Variants in LAS1L observed in about 807,000 individuals in gnomAD.
The protein encoded by LAS1L is LAS1 like ribosome biogenesis factor, also known as ribosomal biogenesis protein LAS1L.
A neutral mutation model predicts 57.3 loss-of-function variants in LAS1L; 5 were observed. The ratio of observed to expected loss-of-function variants is 0.09; its 90% CI spans 0.05 to 0.18. LAS1L has a LOEUF of 0.18. Ranked by LOEUF, LAS1L falls within the 10% of genes least tolerant of loss-of-function variation. The pLI is 1.00. For missense variants in LAS1L, 360 were observed against 568.3 expected, an observed-to-expected ratio of 0.63 and a Z score of 3.73; for synonymous variants, 245 against 231.7, an observed-to-expected ratio of 1.06 and a Z score of -0.52.
chrX:65,525,350 C>T (rs2148293151), intron 7 of LAS1L, among the ~76,000 whole-genome samples: 1 of 112,013 alleles, frequency 8.9e-6, no homozygotes, highest in East Asian at 2.8e-4. Flanking sequence ...GAATACACTT[C>T]AACACACAGA....
intron 12 of LAS1L, among the ~76,000 whole-genome samples, chrX:65,516,886 T>C (rs1025680611): frequency 8.1e-5 from 9 of 110,560 alleles, no homozygotes; most frequent in African/African-American, 3.0e-4. Context: ...ACAAAGGCCA[T>C]AGTATCTTTC....
At chrX:65,534,113 G>A (rs2069671807) in intron 1 of LAS1L, among the ~76,000 whole-genome samples, 1 of 111,632 alleles carries the variant, frequency 9.0e-6, no homozygotes, top group African/African-American at 3.3e-5. Flanking sequence ...TGTCTTGCAG[G>A]CAAGACTTCC....
rs1190754458 is a variant in LAS1L at position 65,524,074 on chromosome X, C to T, written c.1282G>A (p.Val428Met). ...YILRWTVELI[V>M]ANTKTGRNAR... is the part of the protein sequence containing the mutation. ...CCCTCACCAGTCTTGGTGTTGGCCACGATCAGTTCAACGGTCCATCTGAGG... is the reference window on the plus strand; with the variant it reads ...CCCTCACCAGTCTTGGTGTTGGCCATGATCAGTTCAACGGTCCATCTGAGG... Residue 428 changes from valine (V) to methionine (M), a missense_variant, in exon 10 of 14, where the codon GTG becomes ATG. Transcript: ENST00000374811. The T allele has an allele frequency of 3.3e-6, 4 of 1,208,887 alleles. No individual in the cohort carries two copies. Among genetic ancestry groups the T allele is most frequent in the Non-Finnish European group, 3.4e-6 (3 of 894,479 alleles).
At position 65,528,277 on chromosome X, in the gene LAS1L, G is replaced by T; in HGVS notation, c.939C>A (p.Gly313=). 2.5e-6 allele frequency: 3 copies of T among 1,195,099 alleles called. No individual in the cohort carries two copies. The highest frequency in any genetic ancestry group is 3.4e-6 in the Non-Finnish European group (3 of 882,469). Residue 313 remains glycine (G), a synonymous_variant, in exon 7 of 14, where the codon GGC becomes GGA. Transcript: ENST00000374811. ...TTACACACCTGTTCTCGCATGTAAC[G>T]CCCTTGAGCTCTGCCAGGACACATT... ...RVECVLAELK[G]VTCENREAVL... is the part of the protein sequence containing the mutation.
At chrX:65,520,729 T>C (rs1359217280) in intron 11 of LAS1L, 3 of 752,088 alleles carry the variant, frequency 4.0e-6, no homozygotes, top group Non-Finnish European at 4.7e-6. Flanking sequence ...ACTGCCGGCA[T>C]GTGTCGCATC....
chrX:65,528,488 A>C (rs1319474486), intron 6 of LAS1L, 119 bp from the exon 7 acceptor site: 4 of 436,729 alleles, frequency 9.2e-6, no homozygotes, highest in Non-Finnish European at 1.6e-5. Flanking sequence ...AGGGCAGGGC[A>C]TGCAGGGGGG....
At chrX:65,512,976 G>A in intron 13 of LAS1L, 75 bp from the exon 14 acceptor site, 2 of 975,860 alleles carry the variant, frequency 2.0e-6, no homozygotes, top group Non-Finnish European at 2.7e-6. Flanking sequence ...TGCTTGACAT[G>A]TGTGTATCTG....
chrX:65,528,117 A>T (rs969693873), intron 7 of LAS1L, 143 bp downstream of exon 7: 3 of 429,482 alleles, frequency 7.0e-6, no homozygotes, highest in Non-Finnish European at 1.2e-5. Flanking sequence ...TGCCAAATGT[A>T]GGGTCACTGT....
intron 4 of LAS1L, among the ~76,000 whole-genome samples, chrX:65,530,767 T>C (rs909929221): frequency 4.7e-5 from 5 of 105,805 alleles, no homozygotes; most frequent in African/African-American, 1.4e-4. Context: ...TGAACTGAGA[T>C]TGCGCCACTG....
rs1416385953 is a variant in LAS1L at position 65,534,613 on chromosome X, G to A, written c.103C>T (p.Pro35Ser). ...ACCACGATGCCGTGGGCCGAGAGTG[G>A]CAACGACCCTTTCCCTTTAACGCAC... ...GKCVKGKGSLPLSAHGIVVAW... is the reference protein window; with the variant it reads ...GKCVKGKGSLSLSAHGIVVAW... The change falls in exon 1 of 14, where the codon CCA becomes TCA. Residue 35 changes from proline (P) to serine (S), a missense_variant. Physicochemically the swap from Pro to Ser is moderately conservative, Grantham distance 74. Coordinates refer to ENST00000374811, the MANE Select transcript of LAS1L (RefSeq NM_031206.7). The A allele has an allele frequency of 8.3e-7, 1 of 1,201,775 alleles. No individual in the cohort carries two copies. Among genetic ancestry groups the A allele is most frequent in the Non-Finnish European group, 1.1e-6 (1 of 890,168 alleles).
At chrX:65,532,904 T>C (rs888654464) in intron 2 of LAS1L, among the ~76,000 whole-genome samples, 3 of 111,963 alleles carry the variant, frequency 2.7e-5, no homozygotes, top group South Asian at 3.7e-4. Context: ...TGTAACATAT[T>C]AGGCTAGAAC....
chrX:65,515,404 C>G (rs764788098), intron 12 of LAS1L, among the ~76,000 whole-genome samples: 92 of 110,406 alleles, frequency 8.3e-4, no homozygotes, highest in African/African-American at 2.8e-3. Context: ...TCCCAAAGCA[C>G]CTCCCCCTCA....
intron 6 of LAS1L, 150 bp from the exon 7 acceptor site, chrX:65,528,519 G>A: frequency 2.3e-6 from 1 of 430,366 alleles, no homozygotes. Context: ...TCCCCTACTG[G>A]CCTTGCAACT....
At position 65,534,740 on chromosome X, in the gene LAS1L, G is replaced by A; in HGVS notation, c.-25C>T. On this transcript the variant is annotated 5_prime_UTR_variant, in exon 1 of 14. Transcript: ENST00000374811. ...TACTGAGCTCAACAACAGGCTCTGT[G>A]CCGCGCCGCTCCGCACAGCCTTCAG... 9.0e-7 allele frequency: 1 copy of A among 1,107,853 alleles called. No homozygotes were observed. Among genetic ancestry groups the A allele is most frequent in the Non-Finnish European group, 1.2e-6 (1 of 821,173 alleles). 91.3% of individuals were successfully genotyped at this position (1,107,853 alleles called of 1,213,427 possible).
At chrX:65,522,127 TGGCTCCAGAGCACAGGTGGAGGAGCA>T (rs1353690401) in intron 11 of LAS1L, 3 of 110,465 alleles carry the variant, frequency 2.7e-5, no homozygotes, top group African/African-American at 1.0e-4. Context: ...CTGGCAGAGG[TGGCTCCAGAGCACAGGTGGAGGAGCA>T]GGCTTTGAGG....
chrX:65,534,482 G>A lies in LAS1L; in HGVS notation c.234C>T (p.Ser78=). The A allele has an allele frequency of 8.4e-7, 1 of 1,197,022 alleles. No homozygotes were observed. The highest frequency in any genetic ancestry group is 1.1e-6 in the Non-Finnish European group (1 of 886,389). ...AAGGGCCGAACCCGCCACCTTACCTGCTCCTCCACACCGTGATGCGGTTAA... is the reference window on the plus strand; with the variant it reads ...AAGGGCCGAACCCGCCACCTTACCTACTCCTCCACACCGTGATGCGGTTAA... ...YALNRITVWR[S]RSGNELPLAV... is the part of the protein sequence containing the mutation. The change falls in exon 1 of 14, where the codon AGC becomes AGT. Residue 78 remains serine, a splice_region_variant and synonymous_variant. Coordinates refer to ENST00000374811, the MANE Select transcript of LAS1L (RefSeq NM_031206.7).
Position 65,532,556 on chromosome X carries a change from C to T in LAS1L, c.432+5G>A. On this transcript the variant is annotated splice_donor_5th_base_variant and intron_variant, in intron 3 of 13. Transcript: ENST00000374811. ...AATTGAGCAAGTTCACTGAATCATA[C>T]GCACCTCTTGAGCCAGACACTTGAG... 8.3e-7 allele frequency: 1 copy of T among 1,197,809 alleles called. No homozygotes were observed.
At chrX:65,513,041 GA>G in intron 13 of LAS1L, 140 bp from the exon 14 acceptor site, 1 of 631,761 alleles carries the variant, frequency 1.6e-6, no homozygotes. Context: ...GCAAATCCGA[GA>G]AACGACTTCG....
intron 1 of LAS1L, 130 bp from the exon 2 acceptor site, chrX:65,533,865 A>C: frequency 2.9e-6 from 2 of 689,950 alleles, no homozygotes; most frequent in Non-Finnish European, 4.3e-6. Context: ...GACACAAAAC[A>C]AGAAGGTGGG....
Sources: allele counts gnomAD v4.1 joint callset (sites outside exome capture counted in the v4.1 genomes callset), GRCh38; gene constraint gnomAD v4.1.1; transcripts MANE v1.5; gene names NCBI Gene and HGNC (gene_info 2026-07-23, HGNC 2026-07-21).